Variants in SLFN12 observed in about 807,000 individuals in gnomAD.
SLFN12 encodes the protein ribonuclease SLFN12.
SLFN12 carries 25 observed loss-of-function variants against 29.1 expected under a neutral mutation model. That is an observed-to-expected ratio of 0.86 (90% CI 0.63 to 1.20). The LOEUF (loss-of-function observed/expected upper bound fraction) is 1.20. Ranked by LOEUF, SLFN12 falls within the 50% of genes most tolerant of loss-of-function variation. The probability of loss-of-function intolerance (pLI) is 0.00; values close to 1 mark genes in which losing one functional copy is unlikely to be tolerated. For synonymous variants in SLFN12, 257 were observed against 238.7 expected (o/e 1.08, Z -0.71); for missense variants, 660 against 666.2 (o/e 0.99, Z 0.10).
intron 2 of SLFN12, 126 bp from the exon 3 acceptor site, chr17:35,420,507 G>C: frequency 1.6e-6 from 1 of 606,284 alleles, no homozygotes; most frequent in Non-Finnish European, 2.8e-6. Flanking sequence ...ATTAATGTTA[G>C]ATATTGTGGT....
chr17:35,416,160 A>C (rs1420865744), intron 3 of SLFN12, among the ~76,000 whole-genome samples: 1 of 152,178 alleles, frequency 6.6e-6, no homozygotes, highest in Non-Finnish European at 1.5e-5. Context: ...TACACCATGG[A>C]ATGCTATCAG....
intron 1 of SLFN12, 27 bp from the exon 2 acceptor site, chr17:35,423,095 T>C (rs2142043814): frequency 2.0e-6 from 3 of 1,530,342 alleles, no homozygotes; most frequent in East Asian, 2.2e-5. Context: ...GCCATTAGAA[T>C]AGGACCTGAA....
chr17:35,423,266 T>C (rs1289425960), intron 1 of SLFN12, among the ~76,000 whole-genome samples, 198 bp from the exon 2 acceptor site: 1 of 152,146 alleles, frequency 6.6e-6, no homozygotes, highest in Non-Finnish European at 1.5e-5. Context: ...AATTTGTTAC[T>C]ATAGTTCTAT....
At position 35,411,263 on chromosome 17, in the gene SLFN12, A is replaced by T; in HGVS notation, c.*75T>A. 1 of 1,174,322 alleles carries T rather than the reference A, an allele frequency of 8.5e-7. No individual in the cohort carries two copies. Among genetic ancestry groups the T allele is most frequent in the South Asian group, 1.7e-5 (1 of 59,180 alleles). 72.7% of individuals were successfully genotyped at this position (1,174,322 alleles called of 1,614,324 possible). On this transcript the variant is annotated 3_prime_UTR_variant, in exon 4 of 4. Coordinates refer to ENST00000304905, the MANE Select transcript of SLFN12 (RefSeq NM_018042.5). Reference sequence around the variant, plus strand: ...TGCTTAACTTGCAAAGTTTTCAAAGAAATATTTTCACAGAATTAGAGAATG... The same window carrying T: ...TGCTTAACTTGCAAAGTTTTCAAAGTAATATTTTCACAGAATTAGAGAATG...
intron 3 of SLFN12, among the ~76,000 whole-genome samples, chr17:35,417,743 G>T (rs1429656844): frequency 6.6e-6 from 1 of 151,998 alleles, no homozygotes; most frequent in Non-Finnish European, 1.5e-5. Context: ...TCTATGGACA[G>T]ATTATTTAAA....
intron 3 of SLFN12, 125 bp from the exon 4 acceptor site, chr17:35,412,052 A>G: frequency 3.0e-6 from 2 of 671,324 alleles, no homozygotes; most frequent in East Asian, 2.9e-5. Context: ...TATAAAATAT[A>G]TTCAAACAAT....
intron 1 of SLFN12, 75 bp from the exon 2 acceptor site, chr17:35,423,143 CA>C: frequency 2.0e-6 from 3 of 1,464,636 alleles, no homozygotes; most frequent in Middle Eastern, 2.3e-4. Flanking sequence ...GAGGCAAATG[CA>C]AAAAAATCCT....
chr17:35,412,087 A>T (rs1336791790), intron 3 of SLFN12, among the ~76,000 whole-genome samples, 160 bp from the exon 4 acceptor site: 1 of 152,134 alleles, frequency 6.6e-6, no homozygotes, highest in Non-Finnish European at 1.5e-5. Context: ...GAAAGCACCA[A>T]TAAAAGCAGT....
Position 35,422,413 on chromosome 17 carries a change from T to C in SLFN12, c.616A>G (p.Ile206Val), listed in dbSNP as rs745462091. Residue 206 changes from isoleucine (I) to valine (V), a missense_variant, in exon 2 of 4, where the codon ATT becomes GTT. By Grantham distance (29) the Ile-to-Val change is conservative (BLOSUM62 3). Coordinates refer to ENST00000304905, the MANE Select transcript of SLFN12 (RefSeq NM_018042.5). Reference sequence around the variant, plus strand: ...AACTTTTCTGTCGAGAAGTTTTTAATTTCAACATGTGTGGATTCAGTAAAG... The same window carrying C: ...AACTTTTCTGTCGAGAAGTTTTTAACTTCAACATGTGTGGATTCAGTAAAG... ...LTFTESTHVEIKNFSTEKLLQ... is the reference protein window; with the variant it reads ...LTFTESTHVEVKNFSTEKLLQ... 88 of 1,613,900 alleles carry C rather than the reference T, an allele frequency of 5.5e-5. 1 individual carries two copies. In the East Asian group the frequency reaches 1.8e-3, roughly 33 times the overall value.
At chr17:35,411,955 T>C in intron 3 of SLFN12, 28 bp from the exon 4 acceptor site, 1 of 1,470,080 alleles carries the variant, frequency 6.8e-7, no homozygotes, top group East Asian at 2.3e-5. Context: ...AATAATAAAT[T>C]ATAAAACACT....
chr17:35,422,137 G>T lies in SLFN12; in HGVS notation c.892C>A (p.Leu298Ile). 1 of 1,614,028 alleles carries T rather than the reference G, an allele frequency of 6.2e-7. No individual in the cohort carries two copies. Among genetic ancestry groups the T allele is most frequent in the South Asian group, 1.1e-5 (1 of 91,080 alleles). The change falls in exon 2 of 4, where the codon CTT becomes ATT. Residue 298 changes from leucine (L) to isoleucine (I), a missense_variant. Physicochemically the swap from Leu to Ile is conservative, Grantham distance 5. Transcript: ENST00000304905. ...KFLGVYDKGS[L>I]CGYVCALRVE... The stretch of plus-strand genomic sequence containing the variant: ...CTGAGTGCACAGACATATCCACAAA[G>T]ACTTCCTTTATCATATACTCCAAGG...
intron 3 of SLFN12, among the ~76,000 whole-genome samples, chr17:35,418,284 C>T (rs1006964123): frequency 1.2e-4 from 18 of 152,088 alleles, no homozygotes; most frequent in Admixed American, 5.9e-4. Flanking sequence ...TATAGATATA[C>T]AGTTGACCCT....
Position 35,422,524 on chromosome 17 carries a change from C to T in SLFN12, c.505G>A (p.Val169Ile), listed in dbSNP as rs1911743172. The change falls in exon 2 of 4, where the codon GTT becomes ATT. Residue 169 changes from valine (V) to isoleucine (I), a missense_variant. Coordinates refer to ENST00000304905, the MANE Select transcript of SLFN12 (RefSeq NM_018042.5). ...RPELLAKRPC[V>I]DIQEENNMKA... Reference sequence around the variant, plus strand: ...ATGTTATTTTCTTCTTGTATATCAACACAGGGCCTCTTTGCCAGCAATTCT... The same window carrying T: ...ATGTTATTTTCTTCTTGTATATCAATACAGGGCCTCTTTGCCAGCAATTCT... The T allele has an allele frequency of 1.9e-6, 3 of 1,614,060 alleles. No homozygotes were observed. Among genetic ancestry groups the T allele is most frequent in the South Asian group, 1.1e-5 (1 of 91,072 alleles).
chr17:35,411,167 C>T lies in SLFN12; in HGVS notation c.*171G>A, dbSNP rs1214047265. ...ATTAATTTTCCTAATATCCCTCAAACAATATCTGTGAAGATTATTTAGGGA... is the reference window on the plus strand; with the variant it reads ...ATTAATTTTCCTAATATCCCTCAAATAATATCTGTGAAGATTATTTAGGGA... On this transcript the variant is annotated 3_prime_UTR_variant, in exon 4 of 4. Transcript: ENST00000304905. 4 of 532,028 alleles carry T rather than the reference C, an allele frequency of 7.5e-6. No individual in the cohort carries two copies. Among genetic ancestry groups the T allele is most frequent in the African/African-American group, 5.8e-5 (3 of 51,930 alleles). The allele number at this position is 532,028 out of a possible 1,614,324, so 33.0% of individuals were successfully genotyped here. A position where few individuals can be genotyped will look rare whatever the true frequency, so the allele number is the denominator to read the frequency against.
chr17:35,425,397 A>G (rs73293350), intron 1 of SLFN12, among the ~76,000 whole-genome samples: 3,605 of 152,130 alleles, frequency 0.024, 147 homozygotes, highest in African/African-American at 0.082. Context: ...TCTAACTGAC[A>G]TTTTGTAACC....
chr17:35,427,960 A>G (rs995032898), intron 1 of SLFN12, among the ~76,000 whole-genome samples: 2 of 152,150 alleles, frequency 1.3e-5, no homozygotes, highest in African/African-American at 4.8e-5. Context: ...GAACATGTAG[A>G]CAGAAAAGAA....
chr17:35,420,169 C>A, intron 3 of SLFN12, 105 bp downstream of exon 3: 1 of 731,616 alleles, frequency 1.4e-6, no homozygotes, highest in South Asian at 1.8e-5. Flanking sequence ...CTCATAAACA[C>A]AAGAATGTGC....
intron 1 of SLFN12, among the ~76,000 whole-genome samples, chr17:35,428,945 T>A (rs1343501128): frequency 6.6e-6 from 1 of 152,010 alleles, no homozygotes; most frequent in Non-Finnish European, 1.5e-5. Context: ...GAAGAGATTC[T>A]CCATCTCTAC....
chr17:35,420,224 G>A (rs1567847212), intron 3 of SLFN12, 50 bp downstream of exon 3: 4 of 1,326,052 alleles, frequency 3.0e-6, no homozygotes, highest in Admixed American at 1.8e-5. Context: ...AGAGAAAGAG[G>A]TTTGACTACA....
Sources: allele counts gnomAD v4.1 joint callset (sites outside exome capture counted in the v4.1 genomes callset), GRCh38; gene constraint gnomAD v4.1.1; transcripts MANE v1.5; gene names NCBI Gene and HGNC (gene_info 2026-07-23, HGNC 2026-07-21).